MAP3K8: variants seen among roughly 807,000 people sequenced by gnomAD.
The protein encoded by MAP3K8 is mitogen-activated protein kinase kinase kinase 8.
MAP3K8 carries 22 observed loss-of-function variants against 45.8 expected under a neutral mutation model. The observed-to-expected ratio is 0.48, with a 90% CI of 0.34 to 0.69. The LOEUF is 0.69. Among genes scored for constraint, MAP3K8 ranks in the 30% least tolerant of loss-of-function variants. The pLI is 0.01. For missense variants in MAP3K8, 419 were observed against 585.0 expected, an observed-to-expected ratio of 0.72 and a Z score of 2.93; for synonymous variants, 223 against 214.3, an observed-to-expected ratio of 1.04 and a Z score of -0.36.
At chr10:30,438,125 A>T (rs185668097) in intron 2 of MAP3K8, among the ~76,000 whole-genome samples, 191 of 152,238 alleles carry the variant, frequency 1.3e-3, no homozygotes, top group Non-Finnish European at 1.5e-3. Flanking sequence ...TCTTTCTACT[A>T]CTCACAGCTT....
intron 3 of MAP3K8, among the ~76,000 whole-genome samples, chr10:30,447,139 A>G (rs1191619210): frequency 1.3e-5 from 2 of 152,244 alleles, no homozygotes; most frequent in Non-Finnish European, 2.9e-5. Flanking sequence ...GGGATCAGCC[A>G]TCTCGTTTGT....
chr10:30,460,663 A>T (rs751075810), intron 8 of MAP3K8, 43 bp from the exon 9 acceptor site: 3 of 1,529,112 alleles, frequency 2.0e-6, no homozygotes, highest in Non-Finnish European at 2.7e-6. Context: ...TTATCATTTG[A>T]CACGTTTTCT....
rs8177007 is a variant in MAP3K8, at chr10:30,450,794, A to G, written c.766+275A>G. Among the ~76,000 whole-genome samples the G allele has an allele frequency of 8.9e-3, 1,347 of 152,122 alleles. 17 individuals are homozygous for G. The highest frequency in any genetic ancestry group is 0.031 in the African/African-American group (1,288 of 41,470). ...CTGTTAAAAAGGCTTTTAAAATTGC[A>G]ATTTAGGCTGGGCACGGTGGCTCAC... On this transcript the variant is annotated intron_variant, in intron 5 of 8. Transcript: ENST00000263056.
intron 1 of MAP3K8, chr10:30,434,632 CGCA>C: frequency 8.1e-6 from 8 of 985,912 alleles, no homozygotes; most frequent in Non-Finnish European, 9.6e-6. Flanking sequence ...TTCCCGTATC[CGCA>C]GCGCCAGGGC....
At chr10:30,459,543 T>C in intron 8 of MAP3K8, 42 bp downstream of exon 8, 1 of 1,607,466 alleles carries the variant, frequency 6.2e-7, no homozygotes, top group Admixed American at 1.7e-5. Flanking sequence ...ACTTCCCTTC[T>C]CTTTCTGTCC....
intron 6 of MAP3K8, among the ~76,000 whole-genome samples, chr10:30,456,559 CAT>C (rs1836733796): frequency 6.6e-6 from 1 of 152,140 alleles, no homozygotes; most frequent in South Asian, 2.1e-4. Context: ...CTCTTATTCA[CAT>C]GGCAGACAGT....
intron 4 of MAP3K8, 138 bp from the exon 5 acceptor site, chr10:30,450,120 G>C: frequency 1.5e-6 from 1 of 655,516 alleles, no homozygotes; most frequent in Non-Finnish European, 2.5e-6. Context: ...TATTGTAACT[G>C]GGCAGTCCAT....
chr10:30,453,880 AAAG>A (rs1836635424), intron 6 of MAP3K8, among the ~76,000 whole-genome samples: 1 of 144,644 alleles, frequency 6.9e-6, no homozygotes, highest in Admixed American at 7.1e-5. Flanking sequence ...TGAAAAAAAA[AAAG>A]AAAAAAAGAA....
At chr10:30,435,589 G>A (rs1045304027) in intron 1 of MAP3K8, among the ~76,000 whole-genome samples, 1 of 152,122 alleles carries the variant, frequency 6.6e-6, no homozygotes, top group African/African-American at 2.4e-5. Flanking sequence ...TTTCACTCTT[G>A]TCGCCCAGGC....
chr10:30,434,566 C>T, intron 1 of MAP3K8, 188 bp downstream of exon 1: 10 of 985,818 alleles, frequency 1.0e-5, no homozygotes, highest in Non-Finnish European at 1.2e-5. Context: ...CTGGAAAGCA[C>T]CTTGCGCAAG....
At chr10:30,444,330 G>A (rs1016095896) in intron 3 of MAP3K8, among the ~76,000 whole-genome samples, 1 of 152,094 alleles carries the variant, frequency 6.6e-6, no homozygotes. Flanking sequence ...GGGCGTGGTG[G>A]CACATGCCTG....
intron 5 of MAP3K8, 152 bp downstream of exon 5, chr10:30,450,671 A>G (rs1395601646): frequency 3.1e-6 from 2 of 653,364 alleles, no homozygotes; most frequent in South Asian, 1.9e-5. Flanking sequence ...GACATATCTT[A>G]GAATCATGCG....
rs11008057 is a variant in MAP3K8, at chr10:30,460,592, C to T, written c.1274-114C>T. 4.8e-3 allele frequency: 3,918 copies of T among 812,496 alleles called. 19 individuals are homozygous for T. The highest frequency in any genetic ancestry group is 6.4e-3 in the Non-Finnish European group (3,413 of 530,162). The allele number at this position is 812,496 out of a possible 1,614,324, so 50.3% of individuals were successfully genotyped here. ...ATAGTGTTCAAAGACCCATCTTTCA[C>T]GCTTAAGACACTGTTTTATTAGGCC... On this transcript the variant is annotated intron_variant, in intron 8 of 8. Transcript: ENST00000263056.
intron 6 of MAP3K8, among the ~76,000 whole-genome samples, chr10:30,457,589 T>C (rs1836780123): frequency 6.6e-6 from 1 of 152,152 alleles, no homozygotes; most frequent in Non-Finnish European, 1.5e-5. Flanking sequence ...CCCTGATAGA[T>C]TCCTGGTTCT....
chr10:30,443,204 T>G lies in MAP3K8; in HGVS notation c.336+3930T>G, dbSNP rs989844935. Among the ~76,000 whole-genome samples the G allele has an allele frequency of 2.0e-5, 3 of 148,330 alleles. No individual in the cohort carries two copies. The East Asian group carries it at 5.8e-4, about 29-fold the overall frequency. ...CTGAAATGGATTGGCTGTGTGACCCTGGGCTGGTCATTTCACCTGTCTGTG... is the reference window on the plus strand; with the variant it reads ...CTGAAATGGATTGGCTGTGTGACCCGGGGCTGGTCATTTCACCTGTCTGTG... On this transcript the variant is annotated intron_variant, in intron 3 of 8. Transcript: ENST00000263056.
intron 2 of MAP3K8, among the ~76,000 whole-genome samples, chr10:30,438,544 G>A (rs183658682): frequency 1.3e-5 from 2 of 152,340 alleles, no homozygotes; most frequent in African/African-American, 4.8e-5. Flanking sequence ...GCTGGGTTGT[G>A]TAAGGTTGGA....
At chr10:30,444,569 A>T (rs1836246597) in intron 3 of MAP3K8, among the ~76,000 whole-genome samples, 1 of 152,210 alleles carries the variant, frequency 6.6e-6, no homozygotes, top group African/African-American at 2.4e-5. Flanking sequence ...TGCACATTAC[A>T]CTAGAAATTC....
chr10:30,435,443 T>C (rs943945930), intron 1 of MAP3K8, among the ~76,000 whole-genome samples: 1 of 152,194 alleles, frequency 6.6e-6, no homozygotes, highest in African/African-American at 2.4e-5. Context: ...CTTCCTTCCA[T>C]ACGCCTGAAA....
intron 6 of MAP3K8, among the ~76,000 whole-genome samples, chr10:30,454,934 A>C (rs1358895185): frequency 6.6e-6 from 1 of 152,194 alleles, no homozygotes; most frequent in Non-Finnish European, 1.5e-5. Flanking sequence ...ACCAGTTTGA[A>C]AAACAAACTA....
Sources: allele counts gnomAD v4.1 joint callset (sites outside exome capture counted in the v4.1 genomes callset), GRCh38; gene constraint gnomAD v4.1.1; transcripts MANE v1.5; gene names NCBI Gene and HGNC (gene_info 2026-07-23, HGNC 2026-07-21).